The following USP40 variants were observed in gnomAD, a reference collection of about 807,000 sequenced individuals.
USP40 encodes ubiquitin specific peptidase 40, also known as ubiquitin carboxyl-terminal hydrolase 40.
USP40 carries 143 observed loss-of-function variants against 166.2 expected under a neutral mutation model. That is an observed-to-expected ratio of 0.86 (90% CI 0.75 to 0.99). USP40 has a LOEUF of 0.99. USP40 is among the 50% of genes least tolerant of loss of function. USP40 has a pLI of 0.00. For missense variants in USP40, 1,444 were observed against 1,479.7 expected, an observed-to-expected ratio of 0.98 and a Z score of 0.40; for synonymous variants, 498 against 524.0, an observed-to-expected ratio of 0.95 and a Z score of 0.68.
intron 1 of USP40, 93 bp from the exon 2 acceptor site, chr2:233,565,666 CT>C: frequency 9.0e-7 from 1 of 1,106,022 alleles, no homozygotes; most frequent in Non-Finnish European, 1.3e-6. Flanking sequence ...TCTGTTGTTT[CT>C]TAGAACACAG....
chr2:233,494,647 G>A (rs2065551807), intron 24 of USP40, among the ~76,000 whole-genome samples: 1 of 151,412 alleles, frequency 6.6e-6, no homozygotes, highest in African/African-American at 2.4e-5. Context: ...TGGGAGGATC[G>A]ATTAAGCCCA....
rs150151167 is a variant in USP40 at position 233,566,411 on chromosome 2, CAACTCGA to C, written c.-20+266_-20+272del. On this transcript the variant is annotated intron_variant, in intron 1 of 31. Transcript: ENST00000678225. Reference sequence around the variant, plus strand: ...TCCTCAGAAGAAAACTAAAAAAACACAACTCGAGAGTCTAGCCTCGAGCTCGTTGTCT... The same window carrying C: ...TCCTCAGAAGAAAACTAAAAAAACACGAGTCTAGCCTCGAGCTCGTTGTCT... 6.0e-3 allele frequency among the ~76,000 whole-genome samples: 913 copies of C among 152,328 alleles called. 13 individuals carry two copies. Among genetic ancestry groups the C allele is most frequent in the African/African-American group, 0.021 (855 of 41,586 alleles).
At chr2:233,535,403 C>T (rs909128501) in intron 10 of USP40, among the ~76,000 whole-genome samples, 1 of 152,176 alleles carries the variant, frequency 6.6e-6, no homozygotes, top group African/African-American at 2.4e-5. Context: ...ACTTAGTACT[C>T]ACTTCACCTT....
intron 10 of USP40, among the ~76,000 whole-genome samples, chr2:233,538,632 T>G (rs189485806): frequency 2.6e-5 from 4 of 152,296 alleles, no homozygotes; most frequent in Admixed American, 2.0e-4. Context: ...AAGATCCAAC[T>G]TCATACTGAG....
At chr2:233,499,199 C>T (rs907991965) in intron 22 of USP40, among the ~76,000 whole-genome samples, 2 of 149,712 alleles carry the variant, frequency 1.3e-5, no homozygotes, top group African/African-American at 4.9e-5. Context: ...GTGTTATTCC[C>T]CTCCCTGTGT....
intron 18 of USP40, among the ~76,000 whole-genome samples, chr2:233,515,865 C>T (rs1030498901): frequency 1.3e-5 from 2 of 152,044 alleles, no homozygotes; most frequent in African/African-American, 2.4e-5. Context: ...TTGCATCAGG[C>T]GAAGTAAAGC....
chr2:233,538,262 T>C lies in USP40; in HGVS notation c.1170+2400A>G, dbSNP rs531152984. On this transcript the variant is annotated intron_variant, in intron 10 of 31. Coordinates refer to ENST00000678225, the MANE Select transcript of USP40 (RefSeq NM_001365479.2). ...GAGAAATAGAAAACAAATAGCAAGA[T>C]GAGAGATTCAAACACAGCCATATCA... Among the ~76,000 whole-genome samples, 4 of 152,110 alleles carry C rather than the reference T, an allele frequency of 2.6e-5. No individual in the cohort carries two copies. The South Asian group carries it at 8.3e-4, about 32-fold the overall frequency.
At chr2:233,479,541 G>A (rs1306179732) in intron 31 of USP40, among the ~76,000 whole-genome samples, 4 of 149,394 alleles carry the variant, frequency 2.7e-5, no homozygotes, top group East Asian at 3.9e-4. Flanking sequence ...CCAGCCTGGC[G>A]ACAAGGTGGG....
chr2:233,540,510 A>G (rs1182875170), intron 10 of USP40, among the ~76,000 whole-genome samples, 152 bp downstream of exon 10: 1 of 152,216 alleles, frequency 6.6e-6, no homozygotes, highest in Non-Finnish European at 1.5e-5. Flanking sequence ...GTAATACTTA[A>G]TAAGTAACTT....
At chr2:233,489,634 ATC>A (rs925471533) in intron 26 of USP40, 151 bp from the exon 27 acceptor site, 64 of 659,690 alleles carry the variant, frequency 9.7e-5, no homozygotes, top group Middle Eastern at 4.1e-4. Flanking sequence ...AGTCACAGGA[ATC>A]TCTCTCTCTC....
chr2:233,479,596 G>C (rs529412204), intron 31 of USP40, among the ~76,000 whole-genome samples: 69 of 151,492 alleles, frequency 4.6e-4, no homozygotes, highest in East Asian at 2.5e-3. Context: ...CAGTATTTTA[G>C]TGTCTATGTA....
At chr2:233,502,794 G>T (rs533779656) in intron 21 of USP40, among the ~76,000 whole-genome samples, 1 of 151,948 alleles carries the variant, frequency 6.6e-6, no homozygotes, top group African/African-American at 2.4e-5. Flanking sequence ...CTGGCATAGG[G>T]ATCATGCTAC....
At chr2:233,543,041 G>A (rs2069571490) in intron 8 of USP40, among the ~76,000 whole-genome samples, 2 of 152,260 alleles carry the variant, frequency 1.3e-5, no homozygotes, top group South Asian at 4.1e-4. Flanking sequence ...TTGCAGGCCA[G>A]GCTCAGATTA....
intron 4 of USP40, among the ~76,000 whole-genome samples, chr2:233,557,973 C>G (rs930579816): frequency 1.4e-5 from 2 of 141,310 alleles, no homozygotes; most frequent in Admixed American, 1.5e-4. Flanking sequence ...CCATTGCACT[C>G]CAGGCTGGTG....
At chr2:233,489,033 G>A (rs1252983248) in intron 27 of USP40, among the ~76,000 whole-genome samples, 3 of 152,202 alleles carry the variant, frequency 2.0e-5, no homozygotes, top group Non-Finnish European at 4.4e-5. Context: ...TAAGTTCAAA[G>A]TTTCAGGAGG....
chr2:233,517,961 C>T (rs761851606), intron 18 of USP40, among the ~76,000 whole-genome samples: 14 of 146,068 alleles, frequency 9.6e-5, no homozygotes, highest in Middle Eastern at 7.0e-3. Context: ...CTCACTGATA[C>T]GTGGGAGCTA....
Position 233,551,418 on chromosome 2 carries a change from A to AT in USP40, c.794dup (p.Tyr265Ter), listed in dbSNP as rs571827845. 1.5e-4 allele frequency: 234 copies of AT among 1,612,802 alleles called. No individual in the cohort carries two copies. In the African/African-American group the frequency reaches 2.9e-3, roughly 20 times the overall value. Residue 265 changes from tyrosine to a stop codon, truncating the protein, a stop_gained and frameshift_variant, in exon 7 of 32, where the codon TAT becomes TAAT. Transcript: ENST00000678225. LOFTEE classifies it high-confidence loss of function. Reference sequence around the variant, plus strand: ...TGAGATTAATCCGGAGAGGGAATGTATAACAGCTAGTTTCCTTGTAGCGTT... The same window carrying AT: ...TGAGATTAATCCGGAGAGGGAATGTATTAACAGCTAGTTTCCTTGTAGCGTT... ...KCERYKETSC[Y>*]TFPLRINLKP... is the part of the protein sequence containing the mutation.
Position 233,556,850 on chromosome 2 carries a change from T to G in USP40, c.546+5A>C. ...CTTATTACTAAAATACTCTGGCATA[T>G]TTACCTGCCTCTCGCTAACGTTCTT... On this transcript the variant is annotated splice_donor_5th_base_variant and intron_variant, in intron 5 of 31. Transcript: ENST00000678225. 6.2e-7 allele frequency: 1 copy of G among 1,606,504 alleles called. No individual in the cohort carries two copies. Among genetic ancestry groups the G allele is most frequent in the Non-Finnish European group, 8.5e-7 (1 of 1,177,762 alleles).
At chr2:233,523,785 T>C (rs921744688) in intron 15 of USP40, among the ~76,000 whole-genome samples, 9 of 152,140 alleles carry the variant, frequency 5.9e-5, no homozygotes, top group African/African-American at 2.2e-4. Context: ...GCTGAAGTGC[T>C]CCTGGCCGCC....
Sources: gnomAD v4.1 joint callset for allele counts (sites outside exome capture counted in the v4.1 genomes callset) on GRCh38, gnomAD v4.1.1 for gene constraint, MANE v1.5 for transcripts, NCBI Gene and HGNC (gene_info 2026-07-23, HGNC 2026-07-21) for gene names.